Variants in ZFHX4 observed in about 807,000 individuals in gnomAD.
ZFHX4 encodes zinc finger homeobox 4, also known as zinc finger homeobox protein 4.
ZFHX4 carries 56 observed loss-of-function variants against 267.6 expected under a neutral mutation model. That is an observed-to-expected ratio of 0.21 (90% confidence interval 0.17 to 0.26). The LOEUF (loss-of-function observed/expected upper bound fraction) is 0.26, where lower values mean the gene tolerates loss of function less well. Ranked by LOEUF, ZFHX4 falls within the 10% of genes least tolerant of loss-of-function variation. The pLI, the probability that ZFHX4 is intolerant of heterozygous loss-of-function variation, is 1.00. For missense variants in ZFHX4, 4,332 were observed against 4,420.0 expected (o/e 0.98, Z 0.56); for synonymous variants, 1,778 against 1,665.6 (o/e 1.07, Z -1.64).
intron 4 of ZFHX4, among the ~76,000 whole-genome samples, chr8:76,814,263 C>T (rs75520140): frequency 7.7e-4 from 117 of 152,132 alleles, no homozygotes; most frequent in Middle Eastern, 3.4e-3. Context: ...TTATTAAAAA[C>T]GAAAAAGAAG....
chr8:76,769,894 A>T (rs984450815), intron 3 of ZFHX4, among the ~76,000 whole-genome samples: 8 of 152,126 alleles, frequency 5.3e-5, no homozygotes, highest in African/African-American at 1.9e-4. Flanking sequence ...TGTTCAAAGT[A>T]CTTCTTAGCA....
chr8:76,774,394 C>T (rs1357613200), intron 3 of ZFHX4, among the ~76,000 whole-genome samples: 1 of 152,144 alleles, frequency 6.6e-6, no homozygotes, highest in Non-Finnish European at 1.5e-5. Context: ...TTCAAAGACT[C>T]ATTCTGGCCA....
Position 76,856,245 on chromosome 8 carries a change from T to C in ZFHX4, c.9324T>C (p.Leu3108=). ...YPGLPGLPPV[L]LPGMNGPSSL... Reference sequence around the variant, plus strand: ...GACTCCCCGGCCTTCCTCCAGTCCTTCTCCCCGGAATGAACGGTCCATCCT... The same window carrying C: ...GACTCCCCGGCCTTCCTCCAGTCCTCCTCCCCGGAATGAACGGTCCATCCT... Residue 3108 remains leucine, a synonymous_variant, in exon 10 of 11, where the codon CTT becomes CTC. Transcript: ENST00000651372. 4 of 1,613,814 alleles carry C rather than the reference T, an allele frequency of 2.5e-6. No individual in the cohort carries two copies. The highest frequency in any genetic ancestry group is 3.4e-6 in the Non-Finnish European group (4 of 1,179,836).
chr8:76,802,088 C>T (rs1811131435), intron 4 of ZFHX4, among the ~76,000 whole-genome samples: 1 of 152,112 alleles, frequency 6.6e-6, no homozygotes, highest in Admixed American at 6.6e-5. Context: ...TTTAGGCATG[C>T]ATAGAATCGC....
intron 3 of ZFHX4, among the ~76,000 whole-genome samples, chr8:76,718,020 T>G (rs1166598344): frequency 6.6e-6 from 1 of 152,238 alleles, no homozygotes; most frequent in Non-Finnish European, 1.5e-5. Flanking sequence ...AAATCATTCA[T>G]TGTTCAATTG....
At chr8:76,760,068 T>A (rs1429007506) in intron 3 of ZFHX4, among the ~76,000 whole-genome samples, 2 of 152,170 alleles carry the variant, frequency 1.3e-5, no homozygotes, top group Admixed American at 1.3e-4. Context: ...AATCTAAAGA[T>A]CCCATAATTT....
intron 3 of ZFHX4, among the ~76,000 whole-genome samples, chr8:76,762,923 A>T (rs375066478): frequency 3.9e-5 from 6 of 152,292 alleles, no homozygotes; most frequent in African/African-American, 1.2e-4. Context: ...AAGCAAAGAG[A>T]TATTATTCTT....
chr8:76,736,114 G>A (rs768246159), intron 3 of ZFHX4, among the ~76,000 whole-genome samples: 4 of 151,512 alleles, frequency 2.6e-5, no homozygotes, highest in East Asian at 2.0e-4. Context: ...TGTCTTAGTG[G>A]ATAAATGTTT....
intron 5 of ZFHX4, among the ~76,000 whole-genome samples, chr8:76,836,217 G>A (rs1396116055): frequency 1.3e-5 from 2 of 152,186 alleles, no homozygotes; most frequent in Non-Finnish European, 2.9e-5. Context: ...GATAAAGGAA[G>A]TGTTAAAGAG....
Position 76,866,933 on chromosome 8 carries a change from T to C in ZFHX4, c.*2368T>C, listed in dbSNP as rs1262781876. On this transcript the variant is annotated 3_prime_UTR_variant, in exon 11 of 11. Coordinates refer to ENST00000651372, the MANE Select transcript of ZFHX4 (RefSeq NM_024721.5). ...GGATTATCACAGCGCAATCATTGTC[T>C]ACACAACATGTACTCTCAACGCCTG... The C allele has an allele frequency of 6.6e-6, 1 of 152,634 alleles. No homozygotes were observed. Among genetic ancestry groups the C allele is most frequent in the East Asian group, 1.9e-4 (1 of 5,190 alleles). The allele number at this position is 152,634 out of a possible 1,614,324, so 9.5% of individuals were successfully genotyped here. A position where few individuals can be genotyped will look rare whatever the true frequency, so the allele number is the denominator to read the frequency against.
At chr8:76,711,765 T>A (rs527786158) in intron 3 of ZFHX4, among the ~76,000 whole-genome samples, 32 of 152,156 alleles carry the variant, frequency 2.1e-4, no homozygotes, top group African/African-American at 7.0e-4. Context: ...TAAAAAGATA[T>A]AATGAAAACC....
intron 3 of ZFHX4, among the ~76,000 whole-genome samples, chr8:76,739,528 G>A (rs1809260247): frequency 1.3e-5 from 2 of 152,112 alleles, no homozygotes; most frequent in African/African-American, 4.8e-5. Flanking sequence ...TAGTGGGGCA[G>A]GCAAGAGGAC....
chr8:76,773,844 A>G (rs549873001), intron 3 of ZFHX4, among the ~76,000 whole-genome samples: 11 of 152,146 alleles, frequency 7.2e-5, no homozygotes, highest in Non-Finnish European at 1.5e-4. Flanking sequence ...ACCAGAGTAA[A>G]ATTGTATGCC....
chr8:76,696,839 T>A (rs1302074139), intron 1 of ZFHX4, among the ~76,000 whole-genome samples: 1 of 152,000 alleles, frequency 6.6e-6, no homozygotes, highest in African/African-American at 2.4e-5. Context: ...TTACATGGAA[T>A]GTAAAAAGAC....
At position 76,732,462 on chromosome 8, in the gene ZFHX4, C is replaced by A. The variant is rs111847678; in HGVS notation, c.3093+24414C>A. Reference sequence around the variant, plus strand: ...AAATGTAGCTAAAAATTAATAACAGCTACATTATTATAATATATATATTAT... The same window carrying A: ...AAATGTAGCTAAAAATTAATAACAGATACATTATTATAATATATATATTAT... On this transcript the variant is annotated intron_variant, in intron 3 of 10. Coordinates refer to ENST00000651372, the MANE Select transcript of ZFHX4 (RefSeq NM_024721.5). Among the ~76,000 whole-genome samples, 785 of 151,644 alleles carry A rather than the reference C, an allele frequency of 5.2e-3. 11 individuals carry two copies. The highest frequency in any genetic ancestry group is 0.018 in the African/African-American group (736 of 41,398).
intron 4 of ZFHX4, among the ~76,000 whole-genome samples, chr8:76,794,504 T>G (rs1013175081): frequency 6.6e-6 from 1 of 152,164 alleles, no homozygotes; most frequent in Non-Finnish European, 1.5e-5. Flanking sequence ...ATCCCCCTGT[T>G]GTTAAGTTAC....
chr8:76,830,992 A>G (rs1236607330), intron 4 of ZFHX4, among the ~76,000 whole-genome samples: 1 of 152,138 alleles, frequency 6.6e-6, no homozygotes, highest in South Asian at 2.1e-4. Context: ...TTTATACGAG[A>G]CAGACAAGGG....
chr8:76,757,178 A>G (rs992464061), intron 3 of ZFHX4, among the ~76,000 whole-genome samples: 7 of 152,166 alleles, frequency 4.6e-5, no homozygotes. Flanking sequence ...CATACACAAC[A>G]TGTCTGTTCT....
At chr8:76,859,701 C>T (rs1183031678) in intron 10 of ZFHX4, among the ~76,000 whole-genome samples, 1 of 152,060 alleles carries the variant, frequency 6.6e-6, no homozygotes, top group Non-Finnish European at 1.5e-5. Flanking sequence ...TTTACTAGCA[C>T]ATTTGGGGTA....
Sources: allele counts gnomAD v4.1 joint callset (sites outside exome capture counted in the v4.1 genomes callset), GRCh38; gene constraint gnomAD v4.1.1; transcripts MANE v1.5; gene names NCBI Gene and HGNC (gene_info 2026-07-23, HGNC 2026-07-21).